The following TYW1 variants were observed in gnomAD, a reference collection of about 807,000 sequenced individuals.
The protein encoded by TYW1 is tRNA-yW synthesizing protein 1 homolog.
In TYW1, 46 loss-of-function variants were observed where a neutral mutation model predicts 96.2. That is an observed-to-expected ratio of 0.48 (90% CI 0.38 to 0.61). The LOEUF (loss-of-function observed/expected upper bound fraction) is 0.61, where lower values mean the gene tolerates loss of function less well. Among genes scored for constraint, TYW1 ranks in the 20% least tolerant of loss-of-function variants. The probability of loss-of-function intolerance (pLI) is 0.00; values close to 1 mark genes in which losing one functional copy is unlikely to be tolerated. For synonymous variants in TYW1, 274 were observed against 323.0 expected, an observed-to-expected ratio of 0.85 and a Z score of 1.63; for missense variants, 684 against 909.6, an observed-to-expected ratio of 0.75 and a Z score of 3.19.
At chr7:67,142,130 C>T (rs908682598) in intron 13 of TYW1, among the ~76,000 whole-genome samples, 3 of 152,158 alleles carry the variant, frequency 2.0e-5, no homozygotes, top group Non-Finnish European at 4.4e-5. Context: ...GGGACTTGTT[C>T]TGTCGCCCAG....
At chr7:67,018,224 C>T (rs1303980684) in intron 6 of TYW1, 81 bp downstream of exon 6, 2 of 1,522,872 alleles carry the variant, frequency 1.3e-6, no homozygotes, top group Non-Finnish European at 8.9e-7. Context: ...CTCAATAAAC[C>T]ATCTCGTTGG....
At chr7:67,214,236 A>G (rs530153458) in intron 15 of TYW1, among the ~76,000 whole-genome samples, 3 of 152,278 alleles carry the variant, frequency 2.0e-5, no homozygotes, top group African/African-American at 7.2e-5. Flanking sequence ...TGTTAGATTT[A>G]TATTTCAATT....
At chr7:67,085,941 C>T (rs1196812887) in intron 11 of TYW1, among the ~76,000 whole-genome samples, 1 of 150,724 alleles carries the variant, frequency 6.6e-6, no homozygotes, top group Non-Finnish European at 1.5e-5. Flanking sequence ...CACTGGACTC[C>T]AGCCTGGGTG....
chr7:67,124,023 C>T (rs1183419945), intron 13 of TYW1, among the ~76,000 whole-genome samples: 7 of 152,092 alleles, frequency 4.6e-5, no homozygotes, highest in Non-Finnish European at 1.0e-4. Flanking sequence ...ATAAAGAAGT[C>T]AAAGGCATTT....
intron 10 of TYW1, among the ~76,000 whole-genome samples, chr7:67,075,450 T>C: frequency 6.6e-6 from 1 of 152,202 alleles, no homozygotes. Context: ...CATGAAAAGA[T>C]ATTCATAATA....
intron 6 of TYW1, among the ~76,000 whole-genome samples, chr7:67,022,849 C>G (rs1794319646): frequency 6.6e-6 from 1 of 152,120 alleles, no homozygotes; most frequent in South Asian, 2.1e-4. Flanking sequence ...AAAAGAGAAC[C>G]AGAGAGCCAG....
intron 9 of TYW1, among the ~76,000 whole-genome samples, chr7:67,059,758 A>T (rs1795638560): frequency 6.6e-6 from 1 of 151,174 alleles, no homozygotes; most frequent in Admixed American, 6.7e-5. Flanking sequence ...CTGATCATTC[A>T]TCTTGTAGTT....
At chr7:67,017,806 C>G in intron 5 of TYW1, 47 bp from the exon 6 acceptor site, 2 of 1,568,780 alleles carry the variant, frequency 1.3e-6, no homozygotes, top group Non-Finnish European at 1.7e-6. Flanking sequence ...CTGGAAAACC[C>G]TGATTTAGAG....
At chr7:67,019,627 C>T (rs144828044) in intron 6 of TYW1, among the ~76,000 whole-genome samples, 167 of 152,362 alleles carry the variant, frequency 1.1e-3, no homozygotes, top group African/African-American at 3.8e-3. Context: ...AGCCACTGCA[C>T]CTAGCCAAAA....
At chr7:67,053,167 G>A (rs1340480841) in intron 8 of TYW1, among the ~76,000 whole-genome samples, 4 of 146,948 alleles carry the variant, frequency 2.7e-5, no homozygotes, top group African/African-American at 1.0e-4. Flanking sequence ...TGGCTTCTTA[G>A]ATGAGACAAG....
Position 67,067,352 on chromosome 7 carries a change from T to G in TYW1, c.1223T>G (p.Met408Arg), listed in dbSNP as rs1448320456. 1.2e-6 allele frequency: 2 copies of G among 1,614,002 alleles called. No individual in the cohort carries two copies. The highest frequency in any genetic ancestry group is 1.7e-6 in the Non-Finnish European group (2 of 1,179,856). The change falls in exon 10 of 16, where the codon ATG (methionine) becomes AGG (arginine). Residue 408 changes from methionine to arginine, a missense_variant. Met to Arg is a moderately conservative substitution (Grantham distance 91). Transcript: ENST00000359626. ...TATGGAATTGAGAGCCATCGCTGCA[T>G]GGAAACCACCCCGAGCTTGGCGTGT... ...TFYGIESHRCMETTPSLACAN... is the reference protein window; with the variant it reads ...TFYGIESHRCRETTPSLACAN...
At chr7:67,091,477 C>T (rs1796720133) in intron 11 of TYW1, among the ~76,000 whole-genome samples, 1 of 151,944 alleles carries the variant, frequency 6.6e-6, no homozygotes, top group Admixed American at 6.6e-5. Context: ...GACGAGTTAA[C>T]GGGTACAGCA....
chr7:67,052,828 T>TTCAAGCGATTCTCCTGCC (rs750253611), intron 8 of TYW1, among the ~76,000 whole-genome samples: 41 of 152,114 alleles, frequency 2.7e-4, no homozygotes, highest in Non-Finnish European at 4.9e-4. Context: ...GCCTCCCGGG[T>TTCAAGCGATTCTCCTGCC]TCAAGCGATT....
intron 14 of TYW1, among the ~76,000 whole-genome samples, chr7:67,190,370 A>G (rs1268817573): frequency 2.0e-5 from 3 of 152,218 alleles, no homozygotes; most frequent in African/African-American, 7.2e-5. Context: ...TTTTTTGTTC[A>G]TTTAGCATAG....
At chr7:67,140,070 G>A (rs1177093608) in intron 13 of TYW1, among the ~76,000 whole-genome samples, 2 of 139,354 alleles carry the variant, frequency 1.4e-5, no homozygotes, top group Admixed American at 7.0e-5. Context: ...ATGGATGGTG[G>A]CAGGCAAAAA....
At chr7:67,064,411 G>A (rs537388795) in intron 9 of TYW1, among the ~76,000 whole-genome samples, 2 of 152,226 alleles carry the variant, frequency 1.3e-5, no homozygotes, top group African/African-American at 4.8e-5. Context: ...TGTTTAACTG[G>A]GTTTTTACAA....
chr7:67,117,804 C>T (rs1797640611), intron 13 of TYW1, among the ~76,000 whole-genome samples, 186 bp downstream of exon 13: 1 of 152,200 alleles, frequency 6.6e-6, no homozygotes, highest in Non-Finnish European at 1.5e-5. Flanking sequence ...TGAACATTTA[C>T]TATTTGTTAA....
At chr7:67,083,863 C>T (rs1176709012) in intron 11 of TYW1, among the ~76,000 whole-genome samples, 11 of 152,032 alleles carry the variant, frequency 7.2e-5, no homozygotes, top group African/African-American at 2.2e-4. Context: ...GGTGAAACCC[C>T]GTCTCTACTA....
At chr7:67,102,576 T>C (rs1245637608) in intron 12 of TYW1, among the ~76,000 whole-genome samples, 12 of 152,124 alleles carry the variant, frequency 7.9e-5, no homozygotes, top group Admixed American at 5.9e-4. Flanking sequence ...AAATGAGAGT[T>C]TAAAAAGTGG....
Sources: gnomAD v4.1 joint callset for allele counts (sites outside exome capture counted in the v4.1 genomes callset) on GRCh38, gnomAD v4.1.1 for gene constraint, MANE v1.5 for transcripts, NCBI Gene and HGNC (gene_info 2026-07-23, HGNC 2026-07-21) for gene names.